Variants in MICU2 observed in about 807,000 individuals in gnomAD.
The protein encoded by MICU2 is mitochondrial calcium uptake 2, also known as calcium uptake protein 2, mitochondrial.
In MICU2, 64 loss-of-function variants were observed where a neutral mutation model predicts 60.4. The observed-to-expected ratio is 1.06, with a 90% CI of 0.87 to 1.31. The LOEUF (loss-of-function observed/expected upper bound fraction) is 1.31. MICU2 is among the 50% of genes most tolerant of loss of function. The pLI is 0.00. For missense variants in MICU2, 569 were observed against 531.0 expected (o/e 1.07, Z -0.70); for synonymous variants, 201 against 175.0 (o/e 1.15, Z -1.17).
chr13:21,596,675 C>T (rs886697003), intron 1 of MICU2, among the ~76,000 whole-genome samples: 15 of 152,118 alleles, frequency 9.9e-5, no homozygotes, highest in African/African-American at 3.4e-4. Flanking sequence ...ACACCCGCCT[C>T]GGCCTCCCAA....
At chr13:21,509,275 TACC>T (rs1224695337) in intron 8 of MICU2, among the ~76,000 whole-genome samples, 4 of 152,236 alleles carry the variant, frequency 2.6e-5, no homozygotes, top group Non-Finnish European at 5.9e-5. Flanking sequence ...TTATTATGTC[TACC>T]TTTTAGATAA....
chr13:21,501,476 A>G (rs1886156995), intron 9 of MICU2, among the ~76,000 whole-genome samples: 1 of 152,100 alleles, frequency 6.6e-6, no homozygotes, highest in Non-Finnish European at 1.5e-5. Context: ...GTTAACCAGG[A>G]TGGTCTTGAT....
chr13:21,496,040 C>T lies in MICU2; in HGVS notation c.1042+12G>A, dbSNP rs778889326. ...AGATGATAAAAATTAAATGGTTTTT[C>T]ATATAACTTACCTAGTCTGACAGGA... On this transcript the variant is annotated intron_variant, in intron 10 of 11. Transcript: ENST00000382374. 2 of 1,584,286 alleles carry T rather than the reference C, an allele frequency of 1.3e-6. No individual in the cohort carries two copies. Among genetic ancestry groups the T allele is most frequent in the Non-Finnish European group, 1.7e-6 (2 of 1,160,480 alleles).
At chr13:21,549,255 G>A (rs1441072243) in intron 2 of MICU2, among the ~76,000 whole-genome samples, 1 of 151,986 alleles carries the variant, frequency 6.6e-6, no homozygotes, top group South Asian at 2.1e-4. Context: ...TTTAAACAAG[G>A]GCCCCAAGCA....
intron 1 of MICU2, among the ~76,000 whole-genome samples, chr13:21,593,593 A>AAAC (rs1555277359): frequency 4.0e-5 from 6 of 150,656 alleles, no homozygotes; most frequent in African/African-American, 1.2e-4. Context: ...AAAAAAAAAA[A>AAAC]ACAAAGCTGG....
At chr13:21,505,931 C>T (rs775381638) in intron 8 of MICU2, among the ~76,000 whole-genome samples, 3 of 152,100 alleles carry the variant, frequency 2.0e-5, no homozygotes, top group African/African-American at 4.8e-5. Context: ...CTTAGAAAGA[C>T]GCCATGCACC....
chr13:21,601,416 C>T (rs1023633612), intron 1 of MICU2, among the ~76,000 whole-genome samples: 1 of 152,144 alleles, frequency 6.6e-6, no homozygotes, highest in African/African-American at 2.4e-5. Flanking sequence ...ACCACTGTCT[C>T]GGTCCAATAG....
rs778071039 is a variant in MICU2 at position 21,522,645 on chromosome 13, T to C, written c.472A>G (p.Ile158Val). ...AAGAAAAGATACTCGGTATATGAAA[T>C]TAGCCCTGAAAGAGATAAAAACATA... ...FFRDLGDKGL[I>V]SYTEYLFLLT... is the part of the protein sequence containing the mutation. The change falls in exon 5 of 12, where the codon ATT becomes GTT. Residue 158 changes from isoleucine (I) to valine (V), a missense_variant. Coordinates refer to ENST00000382374, the MANE Select transcript of MICU2 (RefSeq NM_152726.3). 1.1e-5 allele frequency: 17 copies of C among 1,602,594 alleles called. No homozygotes were observed. The Admixed American group carries it at 1.4e-4, about 13-fold the overall frequency.
chr13:21,572,555 T>C (rs572723885), intron 1 of MICU2, among the ~76,000 whole-genome samples: 38 of 152,340 alleles, frequency 2.5e-4, no homozygotes, highest in Admixed American at 5.9e-4. Flanking sequence ...ACTTTAGTTT[T>C]AGGAGCTAGA....
chr13:21,578,142 T>C (rs1366987597), intron 1 of MICU2, among the ~76,000 whole-genome samples: 1 of 152,230 alleles, frequency 6.6e-6, no homozygotes, highest in Non-Finnish European at 1.5e-5. Context: ...AACCCTGCAC[T>C]GGAATTGCCT....
chr13:21,578,144 G>A (rs1206940845), intron 1 of MICU2, among the ~76,000 whole-genome samples: 3 of 152,180 alleles, frequency 2.0e-5, no homozygotes, highest in African/African-American at 7.2e-5. Flanking sequence ...CCCTGCACTG[G>A]AATTGCCTGT....
chr13:21,568,622 C>T (rs1888036628), intron 1 of MICU2, among the ~76,000 whole-genome samples: 1 of 152,178 alleles, frequency 6.6e-6, no homozygotes, highest in Non-Finnish European at 1.5e-5. Flanking sequence ...TCTTTCCAAA[C>T]CTCAACCAAC....
chr13:21,566,061 C>A (rs907521309), intron 2 of MICU2, among the ~76,000 whole-genome samples: 1 of 152,180 alleles, frequency 6.6e-6, no homozygotes, highest in African/African-American at 2.4e-5. Context: ...CTAGAATACA[C>A]CATGATCACT....
At chr13:21,523,133 C>T (rs1254340105) in intron 4 of MICU2, among the ~76,000 whole-genome samples, 1 of 152,202 alleles carries the variant, frequency 6.6e-6, no homozygotes, top group Non-Finnish European at 1.5e-5. Context: ...ACACCATTGA[C>T]TCCCCTGGTT....
chr13:21,552,490 A>G (rs2138020784), intron 2 of MICU2, among the ~76,000 whole-genome samples: 1 of 152,340 alleles, frequency 6.6e-6, no homozygotes, highest in Middle Eastern at 3.4e-3. Context: ...TGTTTTAGAC[A>G]TGAAGTCCTT....
intron 1 of MICU2, among the ~76,000 whole-genome samples, chr13:21,585,472 C>T (rs550461604): frequency 6.6e-6 from 1 of 152,184 alleles, no homozygotes; most frequent in Non-Finnish European, 1.5e-5. Context: ...CACAAATATA[C>T]TAGCAGTACA....
At chr13:21,501,718 A>G (rs1368238666) in intron 9 of MICU2, among the ~76,000 whole-genome samples, 1 of 152,200 alleles carries the variant, frequency 6.6e-6, no homozygotes, top group Non-Finnish European at 1.5e-5. Context: ...AGTCTGGCCA[A>G]TAGCCAAGTG....
Position 21,566,892 on chromosome 13 carries a change from T to C in MICU2, c.263A>G (p.Gln88Arg). Residue 88 changes from glutamine (Q) to arginine (R), a missense_variant, in exon 2 of 12, where the codon CAG becomes CGG. Physicochemically the swap from Gln to Arg is conservative, Grantham distance 43. Coordinates refer to ENST00000382374, the MANE Select transcript of MICU2 (RefSeq NM_152726.3). ...IYIGKPSLRK[Q>R]RFMQFSSLEH... Reference sequence around the variant, plus strand: ...GAGTGAAGAAAACTGCATGAAGCGCTGCTTACGAAGAGACGGTTTCCCAAT... The same window carrying C: ...GAGTGAAGAAAACTGCATGAAGCGCCGCTTACGAAGAGACGGTTTCCCAAT... The C allele has an allele frequency of 1.9e-6, 3 of 1,612,746 alleles. No individual in the cohort carries two copies. Among genetic ancestry groups the C allele is most frequent in the African/African-American group, 1.3e-5 (1 of 74,936 alleles).
intron 4 of MICU2, among the ~76,000 whole-genome samples, chr13:21,524,899 C>T (rs1288890510): frequency 3.3e-5 from 5 of 152,174 alleles, no homozygotes; most frequent in African/African-American, 1.2e-4. Flanking sequence ...TTGCTTATTT[C>T]ACTTGGCATA....
Sources: gnomAD v4.1 joint callset for allele counts (sites outside exome capture counted in the v4.1 genomes callset) on GRCh38, gnomAD v4.1.1 for gene constraint, MANE v1.5 for transcripts, NCBI Gene and HGNC (gene_info 2026-07-23, HGNC 2026-07-21) for gene names.